Variants in COL5A1 observed in about 807,000 individuals in gnomAD.
The protein encoded by COL5A1 is collagen type V alpha 1 chain, also known as collagen alpha-1(V) chain.
Under a neutral mutation model 263.7 loss-of-function variants are expected in COL5A1, and 16 were observed. That is an observed-to-expected ratio of 0.06 (90% CI 0.04 to 0.09). COL5A1 has a LOEUF of 0.09. Ranked by LOEUF, COL5A1 falls within the 10% of genes least tolerant of loss-of-function variation. The pLI is 1.00. For synonymous variants in COL5A1, 1,012 were observed against 1,004.5 expected (o/e 1.01, Z -0.14); for missense variants, 2,036 against 2,540.5 (o/e 0.80, Z 4.27).
chr9:134,810,434 A>C, intron 44 of COL5A1, 126 bp downstream of exon 44: 1 of 900,290 alleles, frequency 1.1e-6, no homozygotes, highest in Non-Finnish European at 1.8e-6. Flanking sequence ...ATGCTGTGAA[A>C]ATCTCCCGTG....
In COL5A1 at chr9:134,652,468, G is replaced by A. The variant is rs1831725591; in HGVS notation, c.109+10172G>A. Among the ~76,000 whole-genome samples, 2 of 152,192 alleles carry A rather than the reference G, an allele frequency of 1.3e-5. No individual in the cohort carries two copies. The highest frequency in any genetic ancestry group is 4.1e-4 in the South Asian group (2 of 4,826). On this transcript the variant is annotated intron_variant, in intron 1 of 65. Transcript: ENST00000371817. The surrounding 1 kb of genome is among the most constrained non-coding windows in gnomAD (Gnocchi z 4.4). Reference sequence around the variant, plus strand: ...TGTCATCCTCCTGCCCCTGAAACAGGTGGACATCATGGCTTCTCAGCCCAG... The same window carrying A: ...TGTCATCCTCCTGCCCCTGAAACAGATGGACATCATGGCTTCTCAGCCCAG...
intron 1 of COL5A1, among the ~76,000 whole-genome samples, chr9:134,658,390 G>A (rs4598327): frequency 0.26 from 39,583 of 152,120 alleles, 5,608 homozygotes; most frequent in African/African-American, 0.36. Context: ...GGCTGCCCGG[G>A]TCTCCAGTTC....
At chr9:134,679,296 TG>T (rs1832767116) in intron 1 of COL5A1, among the ~76,000 whole-genome samples, 1 of 113,916 alleles carries the variant, frequency 8.8e-6, no homozygotes, top group African/African-American at 3.4e-5. Flanking sequence ...CCGGGCTGGT[TG>T]GGGGTACTGT....
chr9:134,673,480 T>C (rs1463581060), intron 1 of COL5A1, among the ~76,000 whole-genome samples: 1 of 147,802 alleles, frequency 6.8e-6, no homozygotes, highest in Non-Finnish European at 1.5e-5. Context: ...AAAAAAATGC[T>C]AAGATACAAT....
intron 13 of COL5A1, among the ~76,000 whole-genome samples, chr9:134,752,343 G>A (rs1446433063): frequency 6.6e-6 from 1 of 152,004 alleles, no homozygotes; most frequent in Non-Finnish European, 1.5e-5. Context: ...CCCCAAGGGA[G>A]GAAACGGGGG....
At chr9:134,787,917 T>C (rs987315917) in intron 31 of COL5A1, among the ~76,000 whole-genome samples, 2 of 152,236 alleles carry the variant, frequency 1.3e-5, no homozygotes, top group Non-Finnish European at 2.9e-5. Context: ...TTTGGCTTTC[T>C]AGAGCTGAAG....
At position 134,677,545 on chromosome 9, in the gene COL5A1, G is replaced by C. The variant is rs935529617; in HGVS notation, c.110-13367G>C. ...TGCCCCTGATGCTGAAATGATAGGA[G>C]GGTGAGGTTTATCAGCGGGATCTTC... On this transcript the variant is annotated intron_variant, in intron 1 of 65. Coordinates refer to ENST00000371817, the MANE Select transcript of COL5A1 (RefSeq NM_000093.5). This position sits in a 1 kb window ranked among gnomAD's most constrained non-coding sequence, Gnocchi z 4.4. 6.6e-6 allele frequency among the ~76,000 whole-genome samples: 1 copy of C among 152,190 alleles called. No individual in the cohort carries two copies. Among genetic ancestry groups the C allele is most frequent in the Non-Finnish European group, 1.5e-5 (1 of 68,030 alleles).
chr9:134,824,703 A>G lies in COL5A1; in HGVS notation c.4802A>G (p.Tyr1601Cys). ...CTGGACGACGGGAATGGCGAGAACTACGTGGACTACGCGGACGGCATGGAA... is the reference window on the plus strand; with the variant it reads ...CTGGACGACGGGAATGGCGAGAACTGCGTGGACTACGCGGACGGCATGGAA... ...QLLDDGNGEN[Y>C]VDYADGMEEI... The change falls in exon 62 of 66, where the codon TAC (tyrosine) becomes TGC (cysteine). Residue 1601 changes from tyrosine (Y) to cysteine (C), a missense_variant. Transcript: ENST00000371817. The G allele has an allele frequency of 5.6e-6, 9 of 1,614,198 alleles. No homozygotes were observed. The highest frequency in any genetic ancestry group is 7.6e-6 in the Non-Finnish European group (9 of 1,180,030).
chr9:134,717,423 A>C (rs1171955299), intron 4 of COL5A1, among the ~76,000 whole-genome samples: 2 of 152,194 alleles, frequency 1.3e-5, no homozygotes, highest in Non-Finnish European at 2.9e-5. Flanking sequence ...AGAAGGGGAA[A>C]GAATGGTTTA....
Position 134,794,322 on chromosome 9 carries a change from TAAA to T in COL5A1, c.2701-747_2701-745del, listed in dbSNP as rs59916977. 5.7e-5 allele frequency among the ~76,000 whole-genome samples: 8 copies of T among 140,858 alleles called. No individual in the cohort carries two copies. Among genetic ancestry groups the T allele is most frequent in the Non-Finnish European group, 7.7e-5 (5 of 64,970 alleles). 92.4% of individuals were successfully genotyped at this position (140,858 alleles called of 152,430 possible). A position where few individuals can be genotyped will look rare whatever the true frequency, so the allele number is the denominator to read the frequency against. On this transcript the variant is annotated intron_variant, in intron 32 of 65. Coordinates refer to ENST00000371817, the MANE Select transcript of COL5A1 (RefSeq NM_000093.5). The surrounding 1 kb of genome is among the most constrained non-coding windows in gnomAD (Gnocchi z 4.3). ...CCTGGCGGCAGAGCAAGACTCTGTC[TAAA>T]AAAAAAAAAAAAGAAACAAAAAAGA...
At position 134,755,830 on chromosome 9, in the gene COL5A1, C is replaced by T. The variant is rs1564434739; in HGVS notation, c.1828-935C>T. ...CTTCTCGGCTGTTCTCGGGTGCCAC[C>T]TTGTCTGTCTCCAGTGCTTTGAGAC... On this transcript the variant is annotated intron_variant, in intron 16 of 65. Coordinates refer to ENST00000371817, the MANE Select transcript of COL5A1 (RefSeq NM_000093.5). The surrounding 1 kb of genome is among the most constrained non-coding windows in gnomAD (Gnocchi z 4.1). 6.6e-6 allele frequency among the ~76,000 whole-genome samples: 1 copy of T among 152,152 alleles called. No homozygotes were observed. The highest frequency in any genetic ancestry group is 2.4e-5 in the African/African-American group (1 of 41,438).
intron 47 of COL5A1, 39 bp from the exon 48 acceptor site, chr9:134,812,566 G>A (rs769287387): frequency 3.5e-5 from 56 of 1,609,754 alleles, no homozygotes; most frequent in Non-Finnish European, 4.6e-5. Context: ...GGAAACATTT[G>A]CGTTTCCTCT....
chr9:134,662,714 G>A (rs2132499625), intron 1 of COL5A1, among the ~76,000 whole-genome samples: 1 of 152,356 alleles, frequency 6.6e-6, no homozygotes, highest in East Asian at 1.9e-4. Flanking sequence ...AGCTTTCACA[G>A]CTCTAGAGTG....
chr9:134,754,179 AT>A lies in COL5A1; in HGVS notation c.1774-93del. 1 of 1,357,708 alleles carries A rather than the reference AT, an allele frequency of 7.4e-7. No individual in the cohort carries two copies. Among genetic ancestry groups the A allele is most frequent in the Non-Finnish European group, 1.0e-6 (1 of 961,606 alleles). The allele number at this position is 1,357,708 out of a possible 1,614,324, so 84.1% of individuals were successfully genotyped here. On this transcript the variant is annotated intron_variant, in intron 15 of 65. Transcript: ENST00000371817. The surrounding 1 kb of genome is among the most constrained non-coding windows in gnomAD (Gnocchi z 4.3). ...ATGTTTGTGGCTTGGACAGCCAGGC[AT>A]GGGCAGGGTCGATGAGCACAGGGAC...
intron 37 of COL5A1, among the ~76,000 whole-genome samples, chr9:134,798,867 A>G (rs4584222): frequency 0.52 from 78,415 of 152,070 alleles, 20,498 homozygotes; most frequent in East Asian, 0.77. Flanking sequence ...CTTTTAATTG[A>G]GAAAGTGCTG....
chr9:134,812,508 T>G lies in COL5A1; in HGVS notation c.3744+6T>G. 1 of 1,614,086 alleles carries G rather than the reference T, an allele frequency of 6.2e-7. No homozygotes were observed. Among genetic ancestry groups the G allele is most frequent in the Non-Finnish European group, 8.5e-7 (1 of 1,179,992 alleles). On this transcript the variant is annotated splice_donor_region_variant and intron_variant, in intron 47 of 65. Coordinates refer to ENST00000371817, the MANE Select transcript of COL5A1 (RefSeq NM_000093.5). ...CAGGAGACGTGGGCCAGATGGTAAGTGTGCCTGAGACTCCAAGGCCTTGCC... is the reference window on the plus strand; with the variant it reads ...CAGGAGACGTGGGCCAGATGGTAAGGGTGCCTGAGACTCCAAGGCCTTGCC...
chr9:134,802,058 A>G (rs570870971), intron 38 of COL5A1, 51 bp downstream of exon 38: 1 of 1,574,006 alleles, frequency 6.4e-7, no homozygotes, highest in Non-Finnish European at 8.7e-7. Flanking sequence ...TCACTTGCCC[A>G]CAGGGAAGAG....
At chr9:134,760,948 C>T (rs927562492) in intron 18 of COL5A1, among the ~76,000 whole-genome samples, 5 of 150,496 alleles carry the variant, frequency 3.3e-5, no homozygotes, top group African/African-American at 2.5e-5. Context: ...CATGCATACA[C>T]ACCCGCCACA....
At chr9:134,809,314 A>ATGGCTGGGCC (rs1006614262) in intron 43 of COL5A1, 24 bp downstream of exon 43, 6 of 1,568,068 alleles carry the variant, frequency 3.8e-6, no homozygotes, top group African/African-American at 1.3e-5. Flanking sequence ...AGAGTGACCC[A>ATGGCTGGGCC]TGGCTGGGCC....
Sources: gnomAD v4.1 joint callset for allele counts (sites outside exome capture counted in the v4.1 genomes callset) on GRCh38, gnomAD v4.1.1 for gene constraint, Gnocchi (gnomAD v3.1) non-coding constraint, MANE v1.5 for transcripts, NCBI Gene and HGNC (gene_info 2026-07-23, HGNC 2026-07-21) for gene names.